Variants in SPATA6L observed in about 807,000 individuals in gnomAD.
The protein encoded by SPATA6L is spermatogenesis associated 6-like protein.
Under a neutral mutation model 49.2 loss-of-function variants are expected in SPATA6L, and 68 were observed. The observed-to-expected ratio is 1.38, with a 90% confidence interval of 1.14 to 1.69. The LOEUF (loss-of-function observed/expected upper bound fraction) is 1.69, where lower values mean the gene tolerates loss of function less well. Among genes scored for constraint, SPATA6L ranks in the 40% most tolerant of loss-of-function variants. The probability of loss-of-function intolerance (pLI) is 0.00; values close to 1 mark genes in which losing one functional copy is unlikely to be tolerated. For synonymous variants in SPATA6L, 198 were observed against 165.7 expected, an observed-to-expected ratio of 1.19 and a Z score of -1.50; for missense variants, 668 against 464.3, an observed-to-expected ratio of 1.44 and a Z score of -4.03.
intron 11 of SPATA6L, among the ~76,000 whole-genome samples, chr9:4,601,894 G>C (rs1262711681): frequency 6.6e-6 from 1 of 152,150 alleles, no homozygotes; most frequent in Non-Finnish European, 1.5e-5. Context: ...TGGATGCTCA[G>C]CATCTTTCAA....
chr9:4,632,407 C>T (rs1455987665), intron 4 of SPATA6L, among the ~76,000 whole-genome samples: 3 of 151,746 alleles, frequency 2.0e-5, no homozygotes, highest in African/African-American at 7.3e-5. Context: ...ACCAGCCTAG[C>T]CAACATGAGG....
In SPATA6L at chr9:4,600,678, G is replaced by A. The variant is rs1476573629; in HGVS notation, c.*133C>T. ...CTGGGCACAAAAGACTGAGTACAGGGTTTGGTTTAAAGGGGATTAGACATC... is the reference window on the plus strand; with the variant it reads ...CTGGGCACAAAAGACTGAGTACAGGATTTGGTTTAAAGGGGATTAGACATC... On this transcript the variant is annotated 3_prime_UTR_variant, in exon 12 of 12. Transcript: ENST00000682582. The A allele has an allele frequency of 6.6e-6, 1 of 152,140 alleles. No homozygotes were observed. Among genetic ancestry groups the A allele is most frequent in the African/African-American group, 2.4e-5 (1 of 41,436 alleles). 9.4% of individuals were successfully genotyped at this position (152,140 alleles called of 1,614,324 possible).
intron 4 of SPATA6L, among the ~76,000 whole-genome samples, chr9:4,631,842 C>T (rs1170546250): frequency 6.6e-6 from 1 of 152,114 alleles, no homozygotes; most frequent in African/African-American, 2.4e-5. Flanking sequence ...ACGAGGGTCC[C>T]TCTTCCACCA....
At chr9:4,590,536 T>C (rs1479942478) in intron 13 of SPATA6L, among the ~76,000 whole-genome samples, 1 of 152,182 alleles carries the variant, frequency 6.6e-6, no homozygotes, top group Non-Finnish European at 1.5e-5. Flanking sequence ...AAAACAGTTA[T>C]GAGTAAACCC....
intron 3 of SPATA6L, chr9:4,646,363 C>G (rs301469): frequency 1.9e-6 from 1 of 533,454 alleles, no homozygotes; most frequent in Non-Finnish European, 3.1e-6. Flanking sequence ...TATAAACTTA[C>G]AGACACATAA....
chr9:4,657,718 T>C (rs1838622164), intron 2 of SPATA6L, among the ~76,000 whole-genome samples: 1 of 152,054 alleles, frequency 6.6e-6, no homozygotes, highest in Non-Finnish European at 1.5e-5. Context: ...AGAAAATATA[T>C]TTAATTTGTT....
intron 1 of SPATA6L, chr9:4,663,378 G>A (rs1840331899): frequency 1.8e-6 from 2 of 1,094,642 alleles, no homozygotes; most frequent in South Asian, 3.0e-5. Flanking sequence ...GCTTCCTTTG[G>A]GATTTCAGGT....
At chr9:4,661,469 G>C (rs990142028) in intron 2 of SPATA6L, among the ~76,000 whole-genome samples, 1 of 115,280 alleles carries the variant, frequency 8.7e-6, no homozygotes, top group Non-Finnish European at 1.7e-5. Flanking sequence ...CAGCCTTTTT[G>C]TTACAGGATT....
At chr9:4,635,507 A>G in intron 3 of SPATA6L, 108 bp from the exon 4 acceptor site, 1 of 1,081,720 alleles carries the variant, frequency 9.2e-7, no homozygotes, top group Non-Finnish European at 1.3e-6. Context: ...GTAAAAATAG[A>G]CATATTGATC....
chr9:4,606,562 C>T (rs113898188), intron 9 of SPATA6L, among the ~76,000 whole-genome samples: 495 of 35,920 alleles, frequency 0.014, 184 homozygotes, highest in East Asian at 0.082. Flanking sequence ...CGGCCGGGTA[C>T]TCCAACAGAC....
At chr9:4,620,806 A>G (rs1175155557) in intron 7 of SPATA6L, among the ~76,000 whole-genome samples, 1 of 152,238 alleles carries the variant, frequency 6.6e-6, no homozygotes, top group East Asian at 1.9e-4. Context: ...TAGAGCCTGC[A>G]TTAAACCCAA....
At chr9:4,622,015 C>G (rs563475312) in intron 7 of SPATA6L, among the ~76,000 whole-genome samples, 21 of 152,196 alleles carry the variant, frequency 1.4e-4, no homozygotes, top group African/African-American at 4.8e-4. Flanking sequence ...AATGTTACAT[C>G]TCCTGATCAC....
rs115612903 is a variant in SPATA6L at position 4,592,585 on chromosome 9, T to A, written c.*255-3624A>T. ...CAGTGTCACTGTTCTTCACCAGGCATTGTAAGGCAGAGAGTGCCAGGAGTG... is the reference window on the plus strand; with the variant it reads ...CAGTGTCACTGTTCTTCACCAGGCAATGTAAGGCAGAGAGTGCCAGGAGTG... On this transcript the variant is annotated intron_variant and NMD_transcript_variant, in intron 13 of 13. Coordinates refer to the SPATA6L transcript ENST00000461761. 9.8e-3 allele frequency among the ~76,000 whole-genome samples: 1,486 copies of A among 152,280 alleles called. 23 individuals carry two copies. Among genetic ancestry groups the A allele is most frequent in the African/African-American group, 0.034 (1,419 of 41,546 alleles).
chr9:4,611,855 G>A (rs755524079), intron 9 of SPATA6L, among the ~76,000 whole-genome samples: 1 of 152,012 alleles, frequency 6.6e-6, no homozygotes, highest in African/African-American at 2.4e-5. Context: ...TTTAATCCCA[G>A]TAGTTGTTGT....
chr9:4,605,277 G>A (rs1050129325), intron 10 of SPATA6L, 70 bp downstream of exon 10: 22 of 1,194,584 alleles, frequency 1.8e-5, no homozygotes, highest in East Asian at 1.2e-4. Flanking sequence ...CTGTCTCCCC[G>A]ACTAGACTGT....
chr9:4,665,534 G>A (rs1332361866), intron 1 of SPATA6L, among the ~76,000 whole-genome samples: 2 of 152,192 alleles, frequency 1.3e-5, no homozygotes, highest in Admixed American at 6.5e-5. Context: ...TGTTAGCACT[G>A]TGCTTGTAAT....
rs748839615 is a variant in SPATA6L at position 4,662,925 on chromosome 9, A to G, written c.40-889T>C. 1 of 1,610,354 alleles carries G rather than the reference A, an allele frequency of 6.2e-7. No homozygotes were observed. The highest frequency in any genetic ancestry group is 1.7e-4 in the Middle Eastern group (1 of 6,058). ...GGACCTGCTGCTGGTGGCCTTGATC[A>G]AAGGGCTGGTCCGCAGGCGCCGCCC... On this transcript the variant is annotated intron_variant, in intron 1 of 11. Transcript: ENST00000682582. This position sits in a 1 kb window ranked among gnomAD's most constrained non-coding sequence, Gnocchi z 4.9.
chr9:4,650,094 C>T (rs142532825), intron 3 of SPATA6L, among the ~76,000 whole-genome samples: 74 of 152,344 alleles, frequency 4.9e-4, no homozygotes, highest in African/African-American at 1.8e-3. Context: ...CTTCATGAGA[C>T]ACATACTTGC....
downstream of SPATA6L, among the ~76,000 whole-genome samples, chr9:4,597,894 C>T (rs1019825102): frequency 1.3e-5 from 2 of 152,170 alleles, no homozygotes; most frequent in Non-Finnish European, 2.9e-5. Flanking sequence ...GAGAGCCCAG[C>T]GGGCTCCTTT....
Sources: allele counts gnomAD v4.1 joint callset (sites outside exome capture counted in the v4.1 genomes callset), GRCh38; gene constraint gnomAD v4.1.1; non-coding constraint Gnocchi (gnomAD v3.1); transcripts MANE v1.5; gene names NCBI Gene and HGNC (gene_info 2026-07-23, HGNC 2026-07-21).